Variants in MACROD2 observed in about 807,000 individuals in gnomAD.
MACROD2 encodes the protein ADP-ribose glycohydrolase MACROD2.
MACROD2 carries 36 observed loss-of-function variants against 70.4 expected under a neutral mutation model. That is an observed-to-expected ratio of 0.51 (90% CI 0.39 to 0.68). The LOEUF is 0.68. Ranked by LOEUF, MACROD2 falls within the 30% of genes least tolerant of loss-of-function variation. MACROD2 has a pLI of 0.00. For missense variants in MACROD2, 496 were observed against 538.4 expected, an observed-to-expected ratio of 0.92 and a Z score of 0.78; for synonymous variants, 172 against 178.8, an observed-to-expected ratio of 0.96 and a Z score of 0.30.
At chr20:15,362,014 T>C (rs947647278) in intron 6 of MACROD2, among the ~76,000 whole-genome samples, 2 of 151,392 alleles carry the variant, frequency 1.3e-5, no homozygotes, top group African/African-American at 4.9e-5. Context: ...CTTCCTTTTT[T>C]TTTTTTTTCT....
At chr20:15,044,442 C>A (rs533930892) in intron 5 of MACROD2, among the ~76,000 whole-genome samples, 186 of 152,270 alleles carry the variant, frequency 1.2e-3, no homozygotes, top group African/African-American at 4.2e-3. Flanking sequence ...TTCTCTGAGT[C>A]AATGAGTACA....
rs1352019186 is a variant in MACROD2, at chr20:14,470,761, G to A, written c.272-22718G>A. Reference sequence around the variant, plus strand: ...GCCTACTCAAGCGTCAGTAATGGTGGACGCCCCTTCCCCCACCAAGCTCGA... The same window carrying A: ...GCCTACTCAAGCGTCAGTAATGGTGAACGCCCCTTCCCCCACCAAGCTCGA... On this transcript the variant is annotated intron_variant, in intron 3 of 17. Coordinates refer to ENST00000684519, the MANE Select transcript of MACROD2 (RefSeq NM_001351661.2). Among the ~76,000 whole-genome samples, 6 of 152,134 alleles carry A rather than the reference G, an allele frequency of 3.9e-5. 1 individual carries two copies. Among genetic ancestry groups the A allele is most frequent in the South Asian group, 4.1e-4 (2 of 4,830 alleles).
intron 3 of MACROD2, among the ~76,000 whole-genome samples, chr20:14,408,401 CA>C (rs1225493190): frequency 6.6e-6 from 1 of 152,254 alleles, no homozygotes; most frequent in East Asian, 1.9e-4. Flanking sequence ...TAGACCACAC[CA>C]ACTTTCCTTG....
chr20:15,033,294 A>G (rs751813002), intron 5 of MACROD2, among the ~76,000 whole-genome samples: 2 of 152,164 alleles, frequency 1.3e-5, no homozygotes, highest in Non-Finnish European at 2.9e-5. Flanking sequence ...TAAAATGTTT[A>G]CCTCTGCTGC....
At chr20:15,735,621 C>T (rs1464205455) in intron 8 of MACROD2, among the ~76,000 whole-genome samples, 1 of 152,136 alleles carries the variant, frequency 6.6e-6, no homozygotes, top group South Asian at 2.1e-4. Flanking sequence ...CATACTGTAC[C>T]AGGATATGCC....
chr20:14,821,428 C>A (rs146876238), intron 5 of MACROD2, among the ~76,000 whole-genome samples: 55 of 152,126 alleles, frequency 3.6e-4, no homozygotes, highest in African/African-American at 1.3e-3. Context: ...AAAAAAAATC[C>A]TTATCTCTGA....
chr20:14,701,050 C>G (rs1457686256), intron 5 of MACROD2, among the ~76,000 whole-genome samples: 1 of 152,098 alleles, frequency 6.6e-6, no homozygotes, highest in Admixed American at 6.5e-5. Context: ...TGCAGCTTAA[C>G]AGATGAGCAG....
chr20:14,399,957 T>C (rs559135605), intron 3 of MACROD2, among the ~76,000 whole-genome samples: 1 of 152,214 alleles, frequency 6.6e-6, no homozygotes, highest in Non-Finnish European at 1.5e-5. Context: ...TGCTTAATCT[T>C]TCTTCTGTCT....
chr20:15,958,893 G>A (rs2066017814), intron 12 of MACROD2, among the ~76,000 whole-genome samples: 1 of 152,200 alleles, frequency 6.6e-6, no homozygotes, highest in Non-Finnish European at 1.5e-5. Context: ...AAGCTGGCAA[G>A]AGAGCCTTCG....
At chr20:15,721,169 A>G (rs2050223) in intron 8 of MACROD2, among the ~76,000 whole-genome samples, 97,293 of 151,990 alleles carry the variant, frequency 0.64, 34,202 homozygotes, top group Non-Finnish European at 0.79. Flanking sequence ...GCATATCACT[A>G]TCCTTAAAAG....
At chr20:14,951,421 T>C (rs1293913366) in intron 5 of MACROD2, among the ~76,000 whole-genome samples, 1 of 152,126 alleles carries the variant, frequency 6.6e-6, no homozygotes. Flanking sequence ...CAATGAGTAA[T>C]GGCTTCTCAG....
At chr20:14,620,026 A>G (rs1320602294) in intron 4 of MACROD2, among the ~76,000 whole-genome samples, 2 of 152,180 alleles carry the variant, frequency 1.3e-5, no homozygotes, top group Non-Finnish European at 2.9e-5. Context: ...ACTTTGAGAC[A>G]GGAAGTAGGC....
intron 1 of MACROD2, 51 bp from the exon 2 acceptor site, chr20:14,002,237 C>A: frequency 8.3e-7 from 1 of 1,200,748 alleles, no homozygotes; most frequent in Non-Finnish European, 1.2e-6. Flanking sequence ...AAAAATAATT[C>A]CCATGTTTAA....
intron 3 of MACROD2, among the ~76,000 whole-genome samples, chr20:14,350,602 A>G (rs535715977): frequency 1.3e-5 from 2 of 151,862 alleles, no homozygotes; most frequent in East Asian, 3.9e-4. Flanking sequence ...TTTTGATTGG[A>G]TTAATATTTT....
At chr20:15,930,629 C>T (rs993415151) in intron 10 of MACROD2, among the ~76,000 whole-genome samples, 19 of 152,192 alleles carry the variant, frequency 1.2e-4, no homozygotes, top group African/African-American at 3.9e-4. Context: ...CCAAGTGTTT[C>T]TTGAGTTTGC....
At chr20:15,006,718 G>T (rs1296462451) in intron 5 of MACROD2, among the ~76,000 whole-genome samples, 1 of 152,070 alleles carries the variant, frequency 6.6e-6, no homozygotes, top group Non-Finnish European at 1.5e-5. Flanking sequence ...GGAAATTACT[G>T]CCCTATGAGA....
chr20:15,585,505 C>CT (rs1343990902), intron 8 of MACROD2, among the ~76,000 whole-genome samples: 1 of 152,002 alleles, frequency 6.6e-6, no homozygotes, highest in Non-Finnish European at 1.5e-5. Context: ...CTGGAGCGTC[C>CT]TTTTTACCAA....
In MACROD2 at chr20:14,126,003, T is replaced by G. The variant is rs540524214; in HGVS notation, c.271+40275T>G. Among the ~76,000 whole-genome samples, 109 of 152,314 alleles carry G rather than the reference T, an allele frequency of 7.2e-4. 3 individuals are homozygous for G. In the South Asian group the frequency reaches 0.021, roughly 30 times the overall value. ...TTTAGTTGGTGACTTGATATACCCC[T>G]TTTTCCCTTCAGGGTGTCAGGATTG... On this transcript the variant is annotated intron_variant, in intron 3 of 17. Transcript: ENST00000684519.
intron 4 of MACROD2, among the ~76,000 whole-genome samples, chr20:14,525,977 A>G (rs2085226151): frequency 6.6e-6 from 1 of 152,156 alleles, no homozygotes; most frequent in Admixed American, 6.5e-5. Context: ...AATATTTGCC[A>G]TAAAATTGAT....
Sources: gnomAD v4.1 joint callset for allele counts (sites outside exome capture counted in the v4.1 genomes callset) on GRCh38, gnomAD v4.1.1 for gene constraint, MANE v1.5 for transcripts, NCBI Gene and HGNC (gene_info 2026-07-23, HGNC 2026-07-21) for gene names.